The following CR2 variants were observed in gnomAD, a reference collection of about 807,000 sequenced individuals.
CR2 encodes the protein complement C3d receptor 2.
Under a neutral mutation model 123.0 loss-of-function variants are expected in CR2, and 96 were observed. The ratio of observed to expected loss-of-function variants is 0.78; its 90% CI spans 0.66 to 0.93. The LOEUF is 0.93. Among genes scored for constraint, CR2 ranks in the 40% least tolerant of loss-of-function variants. The pLI, the probability that CR2 is intolerant of heterozygous loss-of-function variation, is 0.00. For synonymous variants in CR2, 484 were observed against 469.5 expected (o/e 1.03, Z -0.40); for missense variants, 1,258 against 1,361.0 (o/e 0.92, Z 1.19).
intron 14 of CR2, among the ~76,000 whole-genome samples, chr1:207,475,674 C>A (rs978132801): frequency 1.3e-4 from 20 of 152,210 alleles, no homozygotes; most frequent in Non-Finnish European, 2.6e-4. Flanking sequence ...AGCCTTATTC[C>A]TGTCCATGAC....
rs1445427078 is a variant in CR2 at position 207,454,391 on chromosome 1, A to G, written c.-28A>G. ...CGGACGCTCGCGGGTCTCGGAACGC[A>G]TCCCGCCGCGGGGGCTTCGGCCGTG... On this transcript the variant is annotated 5_prime_UTR_variant, in exon 1 of 20. Transcript: ENST00000367057. This position sits in a 1 kb window ranked among gnomAD's most constrained non-coding sequence, Gnocchi z 4.3. 1.3e-6 allele frequency: 2 copies of G among 1,561,750 alleles called. No homozygotes were observed. The highest frequency in any genetic ancestry group is 4.6e-5 in the East Asian group (2 of 43,048).
chr1:207,469,144 C>T lies in CR2; in HGVS notation c.735-6C>T. ...ATAGTTCTGAATGACAACCTTCTGT[C>T]TCCAGGTATCGACTGCAAGGCCCAC... On this transcript the variant is annotated splice_polypyrimidine_tract_variant and splice_region_variant and intron_variant, in intron 4 of 19. Coordinates refer to ENST00000367057, the MANE Select transcript of CR2 (RefSeq NM_001006658.3). 2 of 1,613,358 alleles carry T rather than the reference C, an allele frequency of 1.2e-6. No homozygotes were observed. The highest frequency in any genetic ancestry group is 1.7e-6 in the Non-Finnish European group (2 of 1,179,306).
In CR2 at chr1:207,479,299, T is replaced by C. The variant is rs1487696918; in HGVS notation, c.3112+19T>C. Reference sequence around the variant, plus strand: ...CTTTGTGGTAAGTCTTCTTAAATACTTGAAGAAAAGCTCTTATAATATTTT... The same window carrying C: ...CTTTGTGGTAAGTCTTCTTAAATACCTGAAGAAAAGCTCTTATAATATTTT... On this transcript the variant is annotated intron_variant, in intron 17 of 19. Coordinates refer to ENST00000367057, the MANE Select transcript of CR2 (RefSeq NM_001006658.3). 6.4e-7 allele frequency: 1 copy of C among 1,568,472 alleles called. No homozygotes were observed. The highest frequency in any genetic ancestry group is 1.7e-5 in the Admixed American group (1 of 59,912).
At position 207,468,839 on chromosome 1, in the gene CR2, A is replaced by G; in HGVS notation, c.674A>G (p.Lys225Arg). 1 of 1,613,982 alleles carries G rather than the reference A, an allele frequency of 6.2e-7. No individual in the cohort carries two copies. The highest frequency in any genetic ancestry group is 8.5e-7 in the Non-Finnish European group (1 of 1,179,928). The change falls in exon 4 of 20, where the codon AAG becomes AGG. Residue 225 changes from lysine (K) to arginine (R), a missense_variant. Coordinates refer to ENST00000367057, the MANE Select transcript of CR2 (RefSeq NM_001006658.3). The part of the protein sequence containing the change: ...CKSLGRFPNG[K>R]VKEPPILRVG... ...TCTCTAGGACGATTTCCCAATGGGA[A>G]GGTAAAGGAGCCTCCAATTCTCCGG...
intron 6 of CR2, 25 bp from the exon 7 acceptor site, chr1:207,470,715 G>A: frequency 6.2e-7 from 1 of 1,611,570 alleles, no homozygotes; most frequent in Non-Finnish European, 8.5e-7. Context: ...AAGCAGTTAT[G>A]TTTTGTTTTT....
intron 1 of CR2, chr1:207,455,070 T>C (rs1657800945): frequency 3.3e-5 from 5 of 152,286 alleles, no homozygotes; most frequent in Admixed American, 3.3e-4. Context: ...ATTAAAACTA[T>C]TGTTTTCTTC....
chr1:207,462,670 A>G (rs1433486020), intron 1 of CR2, among the ~76,000 whole-genome samples: 10 of 152,200 alleles, frequency 6.6e-5, no homozygotes, highest in Admixed American at 4.6e-4. Flanking sequence ...GACTACTGCA[A>G]TGACAAAATA....
At chr1:207,458,765 A>G (rs902519874) in intron 1 of CR2, among the ~76,000 whole-genome samples, 1 of 152,012 alleles carries the variant, frequency 6.6e-6, no homozygotes, top group Non-Finnish European at 1.5e-5. Flanking sequence ...ATATCACTCT[A>G]TTTCATATTT....
At position 207,468,786 on chromosome 1, in the gene CR2, G is replaced by A. The variant is rs373992562; in HGVS notation, c.635-14G>A. ...TATTTGCCATGCATTTCTCATCTTT[G>A]GTTTGTTTTTTAGAGGCACGCTGTA... is the stretch of plus-strand genomic sequence containing the variant. On this transcript the variant is annotated splice_polypyrimidine_tract_variant and intron_variant, in intron 3 of 19. Transcript: ENST00000367057. 1.7e-5 allele frequency: 27 copies of A among 1,613,724 alleles called. No individual in the cohort carries two copies. The highest frequency in any genetic ancestry group is 3.4e-6 in the Non-Finnish European group (4 of 1,179,830).
Position 207,472,942 on chromosome 1 carries a change from C to T in CR2, c.1741C>T (p.Gln581Ter). The T allele has an allele frequency of 6.2e-7, 1 of 1,614,044 alleles. No homozygotes were observed. The change falls in exon 10 of 20, where the codon CAA (glutamine) becomes TAA (stop). Residue 581 changes from glutamine (Q) to a stop codon, truncating the protein, a stop_gained. Transcript: ENST00000367057. LOFTEE classifies it high-confidence loss of function. ...CACCATCCGTTGTACAAGCAATGAT[C>T]AAGAAAGAGGCACCTGGAGTGGCCC... is the stretch of plus-strand genomic sequence containing the variant. ...ESTIRCTSND[Q>*]ERGTWSGPAP...
At chr1:207,463,344 A>G (rs1279071181) in intron 1 of CR2, among the ~76,000 whole-genome samples, 1 of 152,180 alleles carries the variant, frequency 6.6e-6, no homozygotes, top group Non-Finnish European at 1.5e-5. Context: ...CATACTTTTT[A>G]AAATAAATAA....
intron 1 of CR2, among the ~76,000 whole-genome samples, chr1:207,455,554 G>A (rs1010259617): frequency 1.6e-4 from 24 of 152,198 alleles, no homozygotes; most frequent in African/African-American, 5.3e-4. Context: ...GCTTATTGAG[G>A]TGTCTGGAAT....
At position 207,469,961 on chromosome 1, in the gene CR2, G is replaced by A. The variant is rs1658218505; in HGVS notation, c.1084G>A (p.Val362Ile). The A allele has an allele frequency of 5.0e-6, 8 of 1,613,996 alleles. No individual in the cohort carries two copies. The highest frequency in any genetic ancestry group is 6.8e-6 in the Non-Finnish European group (8 of 1,179,938). Residue 362 changes from valine to isoleucine, a missense_variant, in exon 6 of 20, where the codon GTA (valine) becomes ATA (isoleucine). By Grantham distance (29) the Val-to-Ile change is conservative. Coordinates refer to ENST00000367057, the MANE Select transcript of CR2 (RefSeq NM_001006658.3). ...PHPQILRGRMVSGQKDRYTYN... is the reference protein window; with the variant it reads ...PHPQILRGRMISGQKDRYTYN... ...TCCCCAGATCCTAAGAGGCCGAATG[G>A]TATCTGGGCAGAAAGATCGATATAC...
chr1:207,475,344 A>T (rs542593853), intron 14 of CR2, 128 bp downstream of exon 14: 2 of 1,031,322 alleles, frequency 1.9e-6, no homozygotes, highest in East Asian at 5.1e-5. Context: ...TTGTTTTACA[A>T]GATATTTGCC....
At chr1:207,477,062 G>A (rs141298843) in intron 15 of CR2, among the ~76,000 whole-genome samples, 1 of 152,308 alleles carries the variant, frequency 6.6e-6, no homozygotes, top group African/African-American at 2.4e-5. Context: ...CACACATCTA[G>A]GAAGTACTAG....
In CR2 at chr1:207,472,792, CCT is replaced by C. The variant is rs1207479911; in HGVS notation, c.1592_1593del (p.Pro531ArgfsTer26). 5.6e-6 allele frequency: 9 copies of C among 1,613,886 alleles called. No homozygotes were observed. Among genetic ancestry groups the C allele is most frequent in the Non-Finnish European group, 7.6e-6 (9 of 1,179,880 alleles). On this transcript the variant is annotated frameshift_variant, in exon 10 of 20. Coordinates refer to ENST00000367057, the MANE Select transcript of CR2 (RefSeq NM_001006658.3). LOFTEE classifies it high-confidence loss of function. The stretch of plus-strand genomic sequence containing the variant: ...TCTAGAAATCACCTGCCCACCACCC[CCT>C]GTTATCTACAATGGGGCACACACCG... ...LCKEITCPPP[P>X]VIYNGAHTGS...
chr1:207,484,800 A>G (rs12021671), intron 18 of CR2, among the ~76,000 whole-genome samples: 87,230 of 152,112 alleles, frequency 0.57, 25,847 homozygotes, highest in Admixed American at 0.68. Flanking sequence ...AAGTAAAAAC[A>G]TTCTCTTCAA....
chr1:207,476,857 A>G (rs1477703319), intron 15 of CR2, among the ~76,000 whole-genome samples: 1 of 152,266 alleles, frequency 6.6e-6, no homozygotes, highest in Non-Finnish European at 1.5e-5. Flanking sequence ...AACAGTGCAT[A>G]TGAAATATGA....
At chr1:207,476,790 G>T (rs1658454402) in intron 15 of CR2, among the ~76,000 whole-genome samples, 1 of 152,248 alleles carries the variant, frequency 6.6e-6, no homozygotes, top group African/African-American at 2.4e-5. Context: ...CTGAGTGTTG[G>T]TGGGATTATG....
Sources: gnomAD v4.1 joint callset for allele counts (sites outside exome capture counted in the v4.1 genomes callset) on GRCh38, gnomAD v4.1.1 for gene constraint, Gnocchi (gnomAD v3.1) non-coding constraint, MANE v1.5 for transcripts, NCBI Gene and HGNC (gene_info 2026-07-23, HGNC 2026-07-21) for gene names.